Variants in RBFOX1 observed in about 807,000 individuals in gnomAD.
RBFOX1 encodes RNA binding protein fox-1 homolog 1.
A neutral mutation model predicts 57.7 loss-of-function variants in RBFOX1; 8 were observed. That is an observed-to-expected ratio of 0.14 (90% CI 0.08 to 0.25). The LOEUF is 0.25. Ranked by LOEUF, RBFOX1 falls within the 10% of genes least tolerant of loss-of-function variation. The pLI, the probability that RBFOX1 is intolerant of heterozygous loss-of-function variation, is 1.00. For synonymous variants in RBFOX1, 326 were observed against 222.4 expected, an observed-to-expected ratio of 1.47 and a Z score of -4.15; for missense variants, 611 against 548.5, an observed-to-expected ratio of 1.11 and a Z score of -1.14.
intron 1 of RBFOX1, among the ~76,000 whole-genome samples, chr16:5,440,471 A>T (rs1234589718): frequency 6.6e-6 from 1 of 152,246 alleles, no homozygotes; most frequent in African/African-American, 2.4e-5. Context: ...CAAAAGGACT[A>T]AAGTCTCTAG....
rs532068383 is a variant in RBFOX1, at chr16:5,753,084, T to C, written c.319-114219T>C. ...CTGAGGTGGGAGGATTGCTTTAACC[T>C]AGGAGGTTGAGACTGCAGTGAGCTG... On this transcript the variant is annotated intron_variant, in intron 3 of 19. Coordinates refer to the RBFOX1 transcript ENST00000641259. Among the ~76,000 whole-genome samples the C allele has an allele frequency of 2.1e-3, 324 of 151,890 alleles. 2 individuals carry two copies. Among genetic ancestry groups the C allele is most frequent in the African/African-American group, 7.3e-3 (302 of 41,426 alleles).
intron 3 of RBFOX1, among the ~76,000 whole-genome samples, chr16:5,762,038 C>T (rs540398645): frequency 1.3e-5 from 2 of 152,232 alleles, no homozygotes; most frequent in African/African-American, 4.8e-5. Context: ...GCAGCAATAT[C>T]ATCATCTAGA....
intron 11 of RBFOX1, among the ~76,000 whole-genome samples, chr16:7,632,705 T>A (rs1240676236): frequency 6.6e-6 from 1 of 152,198 alleles, no homozygotes; most frequent in Non-Finnish European, 1.5e-5. Flanking sequence ...TTCTCTAACA[T>A]TGCGGTCCTA....
intron 3 of RBFOX1, among the ~76,000 whole-genome samples, chr16:5,741,541 G>T (rs1289133792): frequency 1.3e-5 from 2 of 152,116 alleles, no homozygotes; most frequent in East Asian, 3.9e-4. Context: ...TATCAAGTTG[G>T]TATGATTTTT....
At chr16:5,503,318 G>C (rs2043262833) in intron 2 of RBFOX1, among the ~76,000 whole-genome samples, 1 of 152,200 alleles carries the variant, frequency 6.6e-6, no homozygotes, top group South Asian at 2.1e-4. Flanking sequence ...TTTCACCACT[G>C]TCCCCCACTC....
intron 1 of RBFOX1, among the ~76,000 whole-genome samples, chr16:6,138,033 C>A (rs1032781836): frequency 1.3e-5 from 2 of 152,220 alleles, no homozygotes; most frequent in African/African-American, 4.8e-5. Flanking sequence ...ACGCTTCAAT[C>A]CTAGGTGGTC....
At chr16:7,328,629 T>C (rs1054021708) in intron 4 of RBFOX1, 1 of 143,362 alleles carries the variant, frequency 7.0e-6, no homozygotes, top group Non-Finnish European at 1.5e-5. Flanking sequence ...ATGGAAGAAT[T>C]TTTTTTTTTT....
chr16:6,706,077 C>G (rs990608082), intron 3 of RBFOX1, among the ~76,000 whole-genome samples: 2 of 152,188 alleles, frequency 1.3e-5, no homozygotes, highest in Non-Finnish European at 2.9e-5. Flanking sequence ...GACCACCTTT[C>G]ACGCCTATTA....
rs79432863 is a variant in RBFOX1 at position 6,708,714 on chromosome 16, C to T, written c.-16+54064C>T. On this transcript the variant is annotated intron_variant, in intron 3 of 15. Coordinates refer to ENST00000550418, the MANE Select transcript of RBFOX1 (RefSeq NM_018723.4). The stretch of plus-strand genomic sequence containing the variant: ...AATCATTAGTATAATTACACCTGTT[C>T]CCTTCTTGCCCTAGCCCATTAGCTC... Among the ~76,000 whole-genome samples, 750 of 152,306 alleles carry T rather than the reference C, an allele frequency of 4.9e-3. 7 individuals are homozygous for T. Among genetic ancestry groups the T allele is most frequent in the African/African-American group, 0.017 (712 of 41,564 alleles).
At chr16:6,922,555 A>C (rs2074706927) in intron 3 of RBFOX1, among the ~76,000 whole-genome samples, 1 of 152,090 alleles carries the variant, frequency 6.6e-6, no homozygotes, top group African/African-American at 2.4e-5. Flanking sequence ...TTTCATTTCC[A>C]GGAGACAGTT....
intron 3 of RBFOX1, among the ~76,000 whole-genome samples, chr16:6,972,921 C>G (rs763550723): frequency 1.3e-5 from 2 of 152,028 alleles, no homozygotes; most frequent in African/African-American, 2.4e-5. Flanking sequence ...GTCAGGAGTT[C>G]GAGGCCAACT....
intron 1 of RBFOX1, chr16:5,365,902 A>G: frequency 2.0e-6 from 1 of 501,778 alleles, no homozygotes; most frequent in Non-Finnish European, 3.9e-6. Context: ...GTGGATAATG[A>G]TGAAAAGGAG....
At chr16:5,387,512 A>G (rs1341045404) in intron 1 of RBFOX1, among the ~76,000 whole-genome samples, 2 of 152,162 alleles carry the variant, frequency 1.3e-5, no homozygotes, top group African/African-American at 4.8e-5. Context: ...AGTTTGAGAT[A>G]GTAGAATTGA....
intron 1 of RBFOX1, among the ~76,000 whole-genome samples, chr16:5,242,499 A>G (rs1034293173): frequency 6.6e-5 from 10 of 152,084 alleles, no homozygotes; most frequent in African/African-American, 2.4e-4. Context: ...CTATGGGAAT[A>G]CTCTCTTTGA....
chr16:7,124,198 C>G (rs2067858643), intron 4 of RBFOX1, among the ~76,000 whole-genome samples: 2 of 152,064 alleles, frequency 1.3e-5, no homozygotes, highest in African/African-American at 4.8e-5. Context: ...CTTCGGGAGG[C>G]CAAGGCAGGA....
intron 3 of RBFOX1, among the ~76,000 whole-genome samples, chr16:6,940,795 TG>T (rs2078264314): frequency 1.6e-5 from 2 of 125,282 alleles, no homozygotes; most frequent in South Asian, 2.8e-4. Flanking sequence ...TGTGTGTGTG[TG>T]TGTGTGTGTG....
At chr16:6,227,178 A>C (rs1350131010) in intron 1 of RBFOX1, among the ~76,000 whole-genome samples, 1 of 151,964 alleles carries the variant, frequency 6.6e-6, no homozygotes. Flanking sequence ...TTTGTTGCAG[A>C]CACTATTAGC....
intron 3 of RBFOX1, among the ~76,000 whole-genome samples, chr16:6,790,552 G>T (rs968148919): frequency 6.6e-6 from 1 of 152,024 alleles, no homozygotes; most frequent in East Asian, 1.9e-4. Flanking sequence ...TTCCTATTTA[G>T]CCTCTATTCC....
At chr16:5,752,786 A>G (rs1408220954) in intron 3 of RBFOX1, among the ~76,000 whole-genome samples, 1 of 152,174 alleles carries the variant, frequency 6.6e-6, no homozygotes, top group Non-Finnish European at 1.5e-5. Flanking sequence ...TCACTCCTCT[A>G]CTTTGAATTT....
Sources: gnomAD v4.1 joint callset for allele counts (sites outside exome capture counted in the v4.1 genomes callset) on GRCh38, gnomAD v4.1.1 for gene constraint, MANE v1.5 for transcripts, NCBI Gene and HGNC (gene_info 2026-07-23, HGNC 2026-07-21) for gene names.